SHOC1: variants seen among roughly 807,000 people sequenced by gnomAD.
SHOC1 encodes the protein shortage in chiasmata 1.
Under a neutral mutation model 179.2 loss-of-function variants are expected in SHOC1, and 136 were observed. The ratio of observed to expected loss-of-function variants is 0.76; its 90% CI spans 0.66 to 0.87. The LOEUF (loss-of-function observed/expected upper bound fraction) is 0.87, where lower values mean the gene tolerates loss of function less well. Among genes scored for constraint, SHOC1 ranks in the 40% least tolerant of loss-of-function variants. The pLI, the probability that SHOC1 is intolerant of heterozygous loss-of-function variation, is 0.00. For synonymous variants in SHOC1, 489 were observed against 586.6 expected, an observed-to-expected ratio of 0.83 and a Z score of 2.41; for missense variants, 1,538 against 1,700.8, an observed-to-expected ratio of 0.90 and a Z score of 1.68.
At chr9:111,741,643 T>C in intron 10 of SHOC1, 73 bp from the exon 11 acceptor site, 3 of 829,240 alleles carry the variant, frequency 3.6e-6, no homozygotes, top group Non-Finnish European at 5.4e-6. Context: ...TATTTTATTT[T>C]ATTTTTTTGA....
chr9:111,693,701 A>T, intron 26 of SHOC1, 98 bp downstream of exon 26: 3 of 741,726 alleles, frequency 4.0e-6, no homozygotes, highest in Non-Finnish European at 6.1e-6. Context: ...AAACAATTAA[A>T]CTTGGATACC....
rs773016293 is a variant in SHOC1 at position 111,727,946 on chromosome 9, T to G, written c.1521A>C (p.Lys507Asn). ...SLPQKSPSLA[K>N]EVPDLCFSDD... ...CAGAAAAACATAGATCTGGTACTTC[T>G]TTTGCCAGAGATGGACTCTTTTGTG... Residue 507 changes from lysine to asparagine, a missense_variant, in exon 13 of 28, where the codon AAA becomes AAC. Lys to Asn is a moderately conservative substitution (Grantham distance 94). Transcript: ENST00000682961. 2 of 1,613,398 alleles carry G rather than the reference T, an allele frequency of 1.2e-6. No homozygotes were observed. Among genetic ancestry groups the G allele is most frequent in the Non-Finnish European group, 1.7e-6 (2 of 1,179,680 alleles).
intron 12 of SHOC1, among the ~76,000 whole-genome samples, chr9:111,731,976 A>C (rs966286195): frequency 6.6e-6 from 1 of 152,182 alleles, no homozygotes; most frequent in African/African-American, 2.4e-5. Context: ...GAAGTACAAT[A>C]AAATGAGATG....
At chr9:111,785,722 C>T (rs1836238602) in intron 3 of SHOC1, among the ~76,000 whole-genome samples, 190 bp downstream of exon 3, 1 of 152,108 alleles carries the variant, frequency 6.6e-6, no homozygotes, top group African/African-American at 2.4e-5. Context: ...CAAATATAAG[C>T]TTTCCAATTC....
chr9:111,759,550 T>C, intron 5 of SHOC1: 1 of 1,141,800 alleles, frequency 8.8e-7, no homozygotes. Context: ...TTTAACAGTT[T>C]CTAAGTCACA....
In SHOC1 at chr9:111,746,310, G is replaced by A. The variant is rs780001743; in HGVS notation, c.1003C>T (p.Leu335=). Residue 335 remains leucine, a synonymous_variant, in exon 10 of 28, where the codon CTA becomes TTA. Transcript: ENST00000682961. ...TTCACTGAAGAATGTTGGCATGTTA[G>A]GAATAGAGGAGTTAGTGGCATTTCT... The part of the protein sequence containing the change: ...ELEMPLTPLF[L]TCQHSSVNSL... 3 of 1,611,048 alleles carry A rather than the reference G, an allele frequency of 1.9e-6. No homozygotes were observed.
At position 111,771,974 on chromosome 9, in the gene SHOC1, T is replaced by C. The variant is rs1835627021; in HGVS notation, c.442+3817A>G. Among the ~76,000 whole-genome samples the C allele has an allele frequency of 2.6e-5, 4 of 152,160 alleles. No homozygotes were observed. The South Asian group carries it at 8.3e-4, about 32-fold the overall frequency. ...TATCTTTCTCAAGCTCTGGAAAATT[T>C]TGTATTTTTTCTTTCTGCCCTCTGC... is the stretch of plus-strand genomic sequence containing the variant. On this transcript the variant is annotated intron_variant, in intron 5 of 27. Transcript: ENST00000682961.
At chr9:111,700,406 A>G (rs1048372637) in intron 23 of SHOC1, among the ~76,000 whole-genome samples, 2 of 152,172 alleles carry the variant, frequency 1.3e-5, no homozygotes, top group African/African-American at 4.8e-5. Flanking sequence ...ACATGGACAC[A>G]TGACCAGAAC....
At chr9:111,714,132 AGT>A (rs1422111723) in intron 17 of SHOC1, among the ~76,000 whole-genome samples, 1 of 152,172 alleles carries the variant, frequency 6.6e-6, no homozygotes, top group Non-Finnish European at 1.5e-5. Context: ...CTCCCACCTC[AGT>A]CTCCCTAATA....
chr9:111,761,733 A>G (rs1228074526), intron 5 of SHOC1, among the ~76,000 whole-genome samples: 2 of 152,222 alleles, frequency 1.3e-5, no homozygotes, highest in Admixed American at 6.5e-5. Flanking sequence ...ATCATTTCAC[A>G]AAACAAAAAG....
intron 8 of SHOC1, among the ~76,000 whole-genome samples, chr9:111,754,769 C>T (rs1351046592): frequency 6.6e-6 from 1 of 152,096 alleles, no homozygotes; most frequent in Non-Finnish European, 1.5e-5. Context: ...ATTGTTTAGC[C>T]ATAAAAATGA....
chr9:111,791,095 CAG>C (rs1374568324), intron 2 of SHOC1, among the ~76,000 whole-genome samples: 3 of 152,044 alleles, frequency 2.0e-5, no homozygotes, highest in African/African-American at 7.2e-5. Flanking sequence ...GTTTCATGCA[CAG>C]AGTTATTTAA....
Position 111,756,404 on chromosome 9 carries a change from G to A in SHOC1, c.783C>T (p.Leu261=). The change falls in exon 8 of 28, where the codon CTC becomes CTT. Residue 261 remains leucine, a synonymous_variant. Coordinates refer to ENST00000682961, the MANE Select transcript of SHOC1 (RefSeq NM_001378211.1). ...SLKPEIDIPS[L]SELKELLNPV... ...GGTTTAATAACTCCTTCAGTTCTGAGAGTGATGGAATATCAATTTCTGGTT... is the reference window on the plus strand; with the variant it reads ...GGTTTAATAACTCCTTCAGTTCTGAAAGTGATGGAATATCAATTTCTGGTT... The A allele has an allele frequency of 6.2e-7, 1 of 1,610,670 alleles. No individual in the cohort carries two copies. Among genetic ancestry groups the A allele is most frequent in the South Asian group, 1.1e-5 (1 of 90,810 alleles).
intron 4 of SHOC1, among the ~76,000 whole-genome samples, chr9:111,778,537 G>A (rs2131625068): frequency 6.6e-6 from 1 of 152,264 alleles, no homozygotes; most frequent in Admixed American, 6.5e-5. Context: ...GAGAGGCTGT[G>A]GTGGGTGCAT....
intron 27 of SHOC1, among the ~76,000 whole-genome samples, chr9:111,687,646 T>C (rs1476945626): frequency 1.3e-5 from 2 of 152,234 alleles, no homozygotes; most frequent in African/African-American, 4.8e-5. Context: ...GAGGCTCATT[T>C]TGACAGACTT....
At chr9:111,772,118 CTG>C (rs951942493) in intron 5 of SHOC1, among the ~76,000 whole-genome samples, 8 of 151,896 alleles carry the variant, frequency 5.3e-5, no homozygotes, top group Non-Finnish European at 1.2e-4. Context: ...TCTCCTCTGA[CTG>C]TATTTTCAAA....
In SHOC1 at chr9:111,692,015, G is replaced by C; in HGVS notation, c.3962C>G (p.Pro1321Arg). Residue 1321 changes from proline to arginine, a missense_variant, in exon 27 of 28, where the codon CCC (proline) becomes CGC (arginine). Pro to Arg is a moderately radical substitution (Grantham distance 103). Transcript: ENST00000682961. ...TDTQKRVSVV[P>R]RFINSQKRRT... The stretch of plus-strand genomic sequence containing the variant: ...CCTTTTCTGAGAATTTATAAAACGG[G>C]GGACAACTGACACTCTCTTCTGAGT... 1 of 1,613,146 alleles carries C rather than the reference G, an allele frequency of 6.2e-7. No individual in the cohort carries two copies. Among genetic ancestry groups the C allele is most frequent in the Admixed American group, 1.7e-5 (1 of 59,836 alleles).
chr9:111,700,211 G>GA (rs143481617), intron 23 of SHOC1, among the ~76,000 whole-genome samples, 164 bp from the exon 24 acceptor site: 3,362 of 151,536 alleles, frequency 0.022, 79 homozygotes, highest in Non-Finnish European at 0.038. Flanking sequence ...CTGTACTCTT[G>GA]AAAAAACATC....
At chr9:111,788,950 C>T (rs546938315) in intron 2 of SHOC1, among the ~76,000 whole-genome samples, 2 of 152,120 alleles carry the variant, frequency 1.3e-5, no homozygotes, top group East Asian at 1.9e-4. Flanking sequence ...AGTGGTCACT[C>T]GCTGGTTAAC....
Sources: gnomAD v4.1 joint callset for allele counts (sites outside exome capture counted in the v4.1 genomes callset) on GRCh38, gnomAD v4.1.1 for gene constraint, MANE v1.5 for transcripts, NCBI Gene and HGNC (gene_info 2026-07-23, HGNC 2026-07-21) for gene names.